CRYGC: variants seen among roughly 807,000 people sequenced by gnomAD.
The protein encoded by CRYGC is gamma-crystallin C.
In CRYGC, 14 loss-of-function variants were observed where a neutral mutation model predicts 21.9. The observed-to-expected ratio is 0.64, with a 90% CI of 0.42 to 1.00. The LOEUF (loss-of-function observed/expected upper bound fraction) is 1.00. Ranked by LOEUF, CRYGC falls within the 50% of genes least tolerant of loss-of-function variation. CRYGC has a pLI of 0.00. For missense variants in CRYGC, 235 were observed against 234.2 expected, an observed-to-expected ratio of 1.00 and a Z score of -0.02; for synonymous variants, 96 against 89.8, an observed-to-expected ratio of 1.07 and a Z score of -0.39.
chr2:208,129,397 A>G (rs201193215), intron 2 of CRYGC, 44 bp downstream of exon 2: 263 of 1,610,202 alleles, frequency 1.6e-4, no homozygotes, highest in Non-Finnish European at 2.2e-4. Context: ...CATTGACAAT[A>G]CAGTGGGGAC....
Position 208,128,176 on chromosome 2 carries a change from A to G in CRYGC, c.*27T>C. 1 of 1,614,204 alleles carries G rather than the reference A, an allele frequency of 6.2e-7. No homozygotes were observed. The highest frequency in any genetic ancestry group is 8.5e-7 in the Non-Finnish European group (1 of 1,180,000). On this transcript the variant is annotated 3_prime_UTR_variant, in exon 3 of 3. Transcript: ENST00000282141. ...GACTAAATATTTATTAGGTTCCAAA[A>G]TGGGAAATTGGTAGTGTTAAGCTAT...
chr2:208,129,714 T>C (rs755355525), intron 1 of CRYGC, 31 bp from the exon 2 acceptor site: 32 of 1,614,130 alleles, frequency 2.0e-5, no homozygotes, highest in Admixed American at 8.3e-5. Context: ...CGAATTACAT[T>C]ATTTGCTCCT....
chr2:208,129,801 G>T lies in CRYGC; in HGVS notation c.-9C>A. On this transcript the variant is annotated 5_prime_UTR_variant, in exon 1 of 3. Transcript: ENST00000282141. ...CTGCTCACCTTCCCCATGGCTGGTTGACACGGATGATGCGAGTTCAGTGTG... is the reference window on the plus strand; with the variant it reads ...CTGCTCACCTTCCCCATGGCTGGTTTACACGGATGATGCGAGTTCAGTGTG... 1.2e-6 allele frequency: 2 copies of T among 1,614,070 alleles called. No homozygotes were observed. Among genetic ancestry groups the T allele is most frequent in the South Asian group, 2.2e-5 (2 of 91,028 alleles).
chr2:208,128,377 G>A lies in CRYGC; in HGVS notation c.351C>T (p.His117=), dbSNP rs775607997. The part of the protein sequence containing the change: ...EDCPSIQDRF[H]LSEIRSLHVL... ...CGTGGAGGGAACGGATCTCGCTGAG[G>A]TGGAAGCGGTCCTGGATGCTGGGGC... The change falls in exon 3 of 3, where the codon CAC becomes CAT. Residue 117 remains histidine, a synonymous_variant. Coordinates refer to ENST00000282141, the MANE Select transcript of CRYGC (RefSeq NM_020989.4). The A allele has an allele frequency of 4.3e-6, 7 of 1,614,076 alleles. No homozygotes were observed. The East Asian group carries it at 1.6e-4, about 36-fold the overall frequency.
chr2:208,129,781 C>T lies in CRYGC; in HGVS notation c.9+3G>A, dbSNP rs760185961. On this transcript the variant is annotated splice_donor_region_variant and intron_variant, in intron 1 of 2. Coordinates refer to ENST00000282141, the MANE Select transcript of CRYGC (RefSeq NM_020989.4). ...CATTTTATTTAATTTGTGTTCTGCT[C>T]ACCTTCCCCATGGCTGGTTGACACG... is the stretch of plus-strand genomic sequence containing the variant. 3.7e-6 allele frequency: 6 copies of T among 1,614,142 alleles called. No individual in the cohort carries two copies. The highest frequency in any genetic ancestry group is 2.7e-5 in the African/African-American group (2 of 75,036).
At position 208,128,486 on chromosome 2, in the gene CRYGC, CA is replaced by C; in HGVS notation, c.253-12del. 1 of 1,614,124 alleles carries C rather than the reference CA, an allele frequency of 6.2e-7. No homozygotes were observed. Among genetic ancestry groups the C allele is most frequent in the East Asian group, 2.2e-5 (1 of 44,886 alleles). ...CCTGTGGGAGACTGTCTACTCGGTC[CA>C]CAGAAAGAAGGATGGAAAAAAGCAA... On this transcript the variant is annotated splice_polypyrimidine_tract_variant and intron_variant, in intron 2 of 2. Transcript: ENST00000282141.
chr2:208,129,468 G>T lies in CRYGC; in HGVS notation c.225C>A (p.Ser75=). 1 of 1,613,702 alleles carries T rather than the reference G, an allele frequency of 6.2e-7. No homozygotes were observed. Among genetic ancestry groups the T allele is most frequent in the Non-Finnish European group, 8.5e-7 (1 of 1,180,042 alleles). Residue 75 remains serine (S), a synonymous_variant, in exon 2 of 3, where the codon TCC becomes TCA. Transcript: ENST00000282141. ...GGGGGATGAGACAACAGGAGCGGAT[G>T]GAGTCGCTGAGGCCCATCCATTGCT... ...DYQQWMGLSD[S]IRSCCLIPQT...
chr2:208,129,348 T>C (rs1055585092), intron 2 of CRYGC, 93 bp downstream of exon 2: 2 of 1,546,514 alleles, frequency 1.3e-6, no homozygotes, highest in East Asian at 4.5e-5. Context: ...ATCTAACCCT[T>C]AGGTGTTTTT....
intron 2 of CRYGC, among the ~76,000 whole-genome samples, chr2:208,128,843 C>A (rs2601490): frequency 6.6e-6 from 1 of 152,080 alleles, no homozygotes; most frequent in Non-Finnish European, 1.5e-5. Flanking sequence ...CACTAGTATT[C>A]TTTTAGTAAG....
chr2:208,129,747 C>A (rs776791406), intron 1 of CRYGC, 37 bp downstream of exon 1: 3 of 1,614,086 alleles, frequency 1.9e-6, no homozygotes, highest in Admixed American at 1.7e-5. Flanking sequence ...ATAAAGGCAA[C>A]TTTTTTTTCA....
intron 2 of CRYGC, 131 bp downstream of exon 2, chr2:208,129,310 A>C: frequency 1.5e-6 from 2 of 1,290,822 alleles, no homozygotes; most frequent in Non-Finnish European, 2.2e-6. Context: ...CATGTTATCT[A>C]TCTGGCTTAT....
At chr2:208,129,721 T>C in intron 1 of CRYGC, 38 bp from the exon 2 acceptor site, 2 of 1,614,242 alleles carry the variant, frequency 1.2e-6, no homozygotes, top group Non-Finnish European at 1.7e-6. Flanking sequence ...CATTATTTGC[T>C]CCTAACAGGC....
In CRYGC at chr2:208,128,207, T is replaced by A. The variant is rs1695023802; in HGVS notation, c.521A>T (p.Tyr174Phe). Residue 174 changes from tyrosine to phenylalanine, a missense_variant, in exon 3 of 3, where the codon TAT becomes TTT. Transcript: ENST00000282141. ...AATTGGTAGTGTTAAGCTATTTTAA[T>A]ACAAATCCACCACTCTCCGCAAAGA... ...AGSLRRVVDL[Y>F] is the part of the protein sequence containing the mutation. 1 of 1,614,256 alleles carries A rather than the reference T, an allele frequency of 6.2e-7. No homozygotes were observed. Among genetic ancestry groups the A allele is most frequent in the Non-Finnish European group, 8.5e-7 (1 of 1,180,044 alleles).
At chr2:208,128,614 T>C in intron 2 of CRYGC, 139 bp from the exon 3 acceptor site, 1 of 1,009,042 alleles carries the variant, frequency 9.9e-7, no homozygotes, top group Non-Finnish European at 1.5e-6. Context: ...AAATGTAGAT[T>C]ACTGTGGTTG....
At chr2:208,129,748 T>A in intron 1 of CRYGC, 36 bp downstream of exon 1, 1 of 1,613,936 alleles carries the variant, frequency 6.2e-7, no homozygotes, top group South Asian at 1.1e-5. Flanking sequence ...TAAAGGCAAC[T>A]TTTTTTTCAT....
rs79677156 is a variant in CRYGC, at chr2:208,128,339, C to A, written c.389G>T (p.Cys130Phe). Residue 130 changes from cysteine to phenylalanine, a missense_variant, in exon 3 of 3, where the codon TGC becomes TTC. Physicochemically the swap from Cys to Phe is radical, Grantham distance 205. Coordinates refer to ENST00000282141, the MANE Select transcript of CRYGC (RefSeq NM_020989.4). ...GTTGGGCAGCTCGTAGAGGACCCAG[C>A]AGCCCTCCAGCACGTGGAGGGAACG... ...EIRSLHVLEG[C>F]WVLYELPNYR... is the part of the protein sequence containing the mutation. 1 of 1,614,194 alleles carries A rather than the reference C, an allele frequency of 6.2e-7. No individual in the cohort carries two copies. The highest frequency in any genetic ancestry group is 8.5e-7 in the Non-Finnish European group (1 of 1,180,034).
Position 208,129,808 on chromosome 2 carries a change from A to G in CRYGC, c.-16T>C, listed in dbSNP as rs757292704. Reference sequence around the variant, plus strand: ...CCTTCCCCATGGCTGGTTGACACGGATGATGCGAGTTCAGTGTGATGGGGC... The same window carrying G: ...CCTTCCCCATGGCTGGTTGACACGGGTGATGCGAGTTCAGTGTGATGGGGC... On this transcript the variant is annotated 5_prime_UTR_variant, in exon 1 of 3. Coordinates refer to ENST00000282141, the MANE Select transcript of CRYGC (RefSeq NM_020989.4). 6.2e-6 allele frequency: 10 copies of G among 1,613,930 alleles called. No individual in the cohort carries two copies. In the Admixed American group the frequency reaches 1.0e-4, roughly 16 times the overall value.
chr2:208,128,612 AT>A, intron 2 of CRYGC, 137 bp from the exon 3 acceptor site: 2 of 1,027,838 alleles, frequency 1.9e-6, no homozygotes, highest in Non-Finnish European at 3.0e-6. Flanking sequence ...TAAAATGTAG[AT>A]TACTGTGGTT....
At position 208,128,470 on chromosome 2, in the gene CRYGC, G is replaced by A. The variant is rs761447168; in HGVS notation, c.258C>T (p.Val86=). Reference sequence around the variant, plus strand: ...TCTCGTACAGCCGCAGCCTGTGGGAGACTGTCTACTCGGTCCACAGAAAGA... The same window carrying A: ...TCTCGTACAGCCGCAGCCTGTGGGAAACTGTCTACTCGGTCCACAGAAAGA... The part of the protein sequence containing the change: ...IRSCCLIPQT[V]SHRLRLYERE... The change falls in exon 3 of 3, where the codon GTC becomes GTT. Residue 86 remains valine (V), a synonymous_variant. Transcript: ENST00000282141. 22 of 1,614,100 alleles carry A rather than the reference G, an allele frequency of 1.4e-5. No individual in the cohort carries two copies. In the South Asian group the frequency reaches 2.2e-4, roughly 16 times the overall value.
Sources: gnomAD v4.1 joint callset for allele counts (sites outside exome capture counted in the v4.1 genomes callset) on GRCh38, gnomAD v4.1.1 for gene constraint, MANE v1.5 for transcripts, NCBI Gene and HGNC (gene_info 2026-07-23, HGNC 2026-07-21) for gene names.